Variants in PRKAR2B observed in about 807,000 individuals in gnomAD.
PRKAR2B encodes the protein cAMP-dependent protein kinase type II-beta regulatory subunit.
A neutral mutation model predicts 49.9 loss-of-function variants in PRKAR2B; 14 were observed. That is an observed-to-expected ratio of 0.28 (90% CI 0.19 to 0.44). The LOEUF (loss-of-function observed/expected upper bound fraction) is 0.44, where lower values mean the gene tolerates loss of function less well. PRKAR2B is among the 20% of genes least tolerant of loss of function. PRKAR2B has a pLI of 1.00. For synonymous variants in PRKAR2B, 196 were observed against 197.7 expected (o/e 0.99, Z 0.07); for missense variants, 393 against 537.9 (o/e 0.73, Z 2.67).
In PRKAR2B at chr7:107,135,276, ATT is replaced by A. The variant is rs1219191966; in HGVS notation, c.481-5568_481-5567del. ...CTTCATCCCCACCGGGGTAGTTACA[ATT>A]TTAAAAAAGGAAAATAAAGTGATTA... On this transcript the variant is annotated intron_variant, in intron 4 of 10. Coordinates refer to ENST00000265717, the MANE Select transcript of PRKAR2B (RefSeq NM_002736.3). Among the ~76,000 whole-genome samples, 5 of 152,290 alleles carry A rather than the reference ATT, an allele frequency of 3.3e-5. No homozygotes were observed. The South Asian group carries it at 1.0e-3, about 32-fold the overall frequency.
intron 10 of PRKAR2B, among the ~76,000 whole-genome samples, chr7:107,158,375 G>A (rs1005295425): frequency 5.3e-5 from 8 of 152,002 alleles, no homozygotes; most frequent in Admixed American, 3.9e-4. Flanking sequence ...ACATAACACC[G>A]CCACTCAGTG....
chr7:107,062,040 G>T (rs993141460), intron 1 of PRKAR2B, among the ~76,000 whole-genome samples: 1 of 152,116 alleles, frequency 6.6e-6, no homozygotes, highest in Non-Finnish European at 1.5e-5. Context: ...GCTAAAATAA[G>T]ACATACCTTA....
chr7:107,152,164 AATT>A, intron 7 of PRKAR2B, among the ~76,000 whole-genome samples: 1 of 152,296 alleles, frequency 6.6e-6, no homozygotes, highest in African/African-American at 2.4e-5. Flanking sequence ...TTGCCTGGCT[AATT>A]GCAGAGTCAT....
At chr7:107,148,799 A>G (rs1027930317) in intron 6 of PRKAR2B, among the ~76,000 whole-genome samples, 4 of 152,222 alleles carry the variant, frequency 2.6e-5, no homozygotes, top group African/African-American at 9.6e-5. Flanking sequence ...TTTGGTCACT[A>G]TTAGCCTTAG....
chr7:107,092,021 G>A (rs1025933441), intron 2 of PRKAR2B: 1 of 152,084 alleles, frequency 6.6e-6, no homozygotes, highest in African/African-American at 2.4e-5. Flanking sequence ...GGTGGGAATG[G>A]GTAGTGGAAG....
At chr7:107,091,900 T>A (rs1461877594) in intron 2 of PRKAR2B, 1 of 152,196 alleles carries the variant, frequency 6.6e-6, no homozygotes, top group Non-Finnish European at 1.5e-5. Flanking sequence ...GTTCTGTGTT[T>A]CTATGTAGAA....
intron 1 of PRKAR2B, among the ~76,000 whole-genome samples, chr7:107,068,191 G>A (rs1301218896): frequency 6.6e-6 from 1 of 152,104 alleles, no homozygotes; most frequent in East Asian, 1.9e-4. Context: ...GAAACCTAAG[G>A]ACCCCAGGAA....
At chr7:107,097,916 G>A (rs1794878139) in intron 2 of PRKAR2B, among the ~76,000 whole-genome samples, 2 of 152,062 alleles carry the variant, frequency 1.3e-5, no homozygotes, top group Non-Finnish European at 1.5e-5. Flanking sequence ...TGGGTAACCC[G>A]ACCTTTCTCT....
intron 5 of PRKAR2B, 71 bp downstream of exon 5, chr7:107,141,024 C>G (rs533190650): frequency 5.5e-6 from 6 of 1,098,878 alleles, no homozygotes; most frequent in Middle Eastern, 4.1e-4. Flanking sequence ...ATTATTACGG[C>G]AACTGACAGG....
At chr7:107,131,888 T>C (rs1235912739) in intron 4 of PRKAR2B, among the ~76,000 whole-genome samples, 1 of 152,254 alleles carries the variant, frequency 6.6e-6, no homozygotes, top group Non-Finnish European at 1.5e-5. Flanking sequence ...TTATATAATC[T>C]GCTTATCATG....
intron 4 of PRKAR2B, among the ~76,000 whole-genome samples, chr7:107,135,646 T>C (rs1795684886): frequency 6.6e-6 from 1 of 152,136 alleles, no homozygotes; most frequent in African/African-American, 2.4e-5. Flanking sequence ...AAATGAAATA[T>C]TTAGATGTAA....
intron 1 of PRKAR2B, among the ~76,000 whole-genome samples, chr7:107,056,532 A>T (rs1483037287): frequency 6.6e-6 from 1 of 152,126 alleles, no homozygotes; most frequent in African/African-American, 2.4e-5. Flanking sequence ...GGTCCTTCAC[A>T]TCCCTTGTAA....
chr7:107,143,027 T>G (rs972097718), intron 5 of PRKAR2B, among the ~76,000 whole-genome samples: 4 of 152,120 alleles, frequency 2.6e-5, no homozygotes, highest in African/African-American at 7.2e-5. Flanking sequence ...CTTCCCAAAG[T>G]GGTGGGTTTA....
intron 10 of PRKAR2B, among the ~76,000 whole-genome samples, chr7:107,158,455 A>G (rs1384400725): frequency 2.0e-5 from 3 of 152,210 alleles, no homozygotes; most frequent in Non-Finnish European, 2.9e-5. Context: ...ACAGTTTTCC[A>G]AACAACTTTT....
chr7:107,066,673 A>G (rs1023264585), intron 1 of PRKAR2B: 3 of 152,044 alleles, frequency 2.0e-5, no homozygotes, highest in African/African-American at 7.3e-5. Flanking sequence ...GGTTCAAGCA[A>G]TTCTCTTGCC....
intron 4 of PRKAR2B, among the ~76,000 whole-genome samples, chr7:107,139,555 C>T (rs1795755853): frequency 6.6e-6 from 1 of 152,162 alleles, no homozygotes; most frequent in African/African-American, 2.4e-5. Context: ...CTGGCAGAAC[C>T]AGATGTTACC....
chr7:107,055,589 C>T (rs1042886432), intron 1 of PRKAR2B, among the ~76,000 whole-genome samples: 10 of 152,114 alleles, frequency 6.6e-5, no homozygotes, highest in African/African-American at 1.9e-4. Context: ...TTTCATGTGT[C>T]TTTTGGCTGC....
At chr7:107,104,132 A>G (rs577826253) in intron 2 of PRKAR2B, among the ~76,000 whole-genome samples, 1 of 152,244 alleles carries the variant, frequency 6.6e-6, no homozygotes, top group African/African-American at 2.4e-5. Context: ...CCTGGGCTCA[A>G]GCAGTTCTCC....
intron 10 of PRKAR2B, 83 bp downstream of exon 10, chr7:107,157,407 A>G: frequency 6.8e-7 from 1 of 1,464,766 alleles, no homozygotes; most frequent in Non-Finnish European, 9.1e-7. Context: ...GAATCATTTT[A>G]TTGGGTTCAC....
Sources: allele counts gnomAD v4.1 joint callset (sites outside exome capture counted in the v4.1 genomes callset), GRCh38; gene constraint gnomAD v4.1.1; transcripts MANE v1.5; gene names NCBI Gene and HGNC (gene_info 2026-07-23, HGNC 2026-07-21).